Variants in XKR9 observed in about 807,000 individuals in gnomAD.
The protein encoded by XKR9 is XK-related protein 9.
In XKR9, 32 loss-of-function variants were observed where a neutral mutation model predicts 32.0. The observed-to-expected ratio is 1.00, with a 90% CI of 0.76 to 1.34. XKR9 has a LOEUF of 1.34. Ranked by LOEUF, XKR9 falls within the 40% of genes most tolerant of loss-of-function variation. XKR9 has a pLI of 0.00. For missense variants in XKR9, 546 were observed against 429.7 expected (o/e 1.27, Z -2.39); for synonymous variants, 168 against 143.4 (o/e 1.17, Z -1.22).
At chr8:70,801,289 G>A in the XKR9 span, among the ~76,000 whole-genome samples, 1 of 152,030 alleles carries the variant, frequency 6.6e-6, no homozygotes, top group Non-Finnish European at 1.5e-5. Flanking sequence ...ACTTTTTGAT[G>A]TGAGTTTTTA....
At chr8:71,016,327 C>T in the XKR9 span, among the ~76,000 whole-genome samples, 4 of 152,118 alleles carry the variant, frequency 2.6e-5, no homozygotes, top group Non-Finnish European at 5.9e-5. Flanking sequence ...TATGTTTGGC[C>T]TATTCCACCT....
chr8:70,880,247 C>A, the XKR9 span, among the ~76,000 whole-genome samples: 1 of 152,058 alleles, frequency 6.6e-6, no homozygotes, highest in East Asian at 1.9e-4. Flanking sequence ...CACTCCTATT[C>A]AATATAGTGT....
At chr8:70,977,262 T>A in the XKR9 span, among the ~76,000 whole-genome samples, 5 of 152,204 alleles carry the variant, frequency 3.3e-5, no homozygotes, top group African/African-American at 1.2e-4. Context: ...TGATCTTAGT[T>A]ATTTCTTGCC....
the XKR9 span, among the ~76,000 whole-genome samples, chr8:70,928,268 C>T: frequency 1.3e-5 from 2 of 152,102 alleles, no homozygotes; most frequent in East Asian, 1.9e-4. Context: ...TGGCATTGAA[C>T]TCCAGGCCTC....
At chr8:70,863,483 A>G in the XKR9 span, among the ~76,000 whole-genome samples, 1 of 152,172 alleles carries the variant, frequency 6.6e-6, no homozygotes, top group African/African-American at 2.4e-5. Context: ...GTAGGGTGAA[A>G]CTTCAAATTT....
chr8:71,061,449 T>A, the XKR9 span, among the ~76,000 whole-genome samples: 2 of 152,358 alleles, frequency 1.3e-5, no homozygotes, highest in South Asian at 4.1e-4. Context: ...CCATCATCTC[T>A]GTGCTCTCTT....
At chr8:70,940,725 C>T in the XKR9 span, among the ~76,000 whole-genome samples, 1 of 151,998 alleles carries the variant, frequency 6.6e-6, no homozygotes, top group Admixed American at 6.6e-5. Flanking sequence ...TTGAAAATGT[C>T]AGTATTATAT....
the XKR9 span, among the ~76,000 whole-genome samples, chr8:71,034,952 A>G: frequency 0.55 from 83,841 of 152,074 alleles, 24,054 homozygotes; most frequent in East Asian, 0.93. Context: ...TTTGTCACCT[A>G]GCACATAGCA....
At chr8:71,037,583 A>T in the XKR9 span, among the ~76,000 whole-genome samples, 1 of 152,216 alleles carries the variant, frequency 6.6e-6, no homozygotes, top group Non-Finnish European at 1.5e-5. Flanking sequence ...CAAGTTAACA[A>T]TAAAAACTTT....
chr8:70,949,330 G>A, the XKR9 span, among the ~76,000 whole-genome samples: 1 of 151,758 alleles, frequency 6.6e-6, no homozygotes. Flanking sequence ...TAACTGTGTG[G>A]ATGGTGAAAC....
At chr8:70,678,403 T>C (rs1818954121) in intron 2 of XKR9, among the ~76,000 whole-genome samples, 1 of 152,218 alleles carries the variant, frequency 6.6e-6, no homozygotes, top group Non-Finnish European at 1.5e-5. Flanking sequence ...GATCAAATCA[T>C]TGTAGTTGAG....
At chr8:71,021,584 G>A in the XKR9 span, among the ~76,000 whole-genome samples, 1 of 142,648 alleles carries the variant, frequency 7.0e-6, no homozygotes, top group Non-Finnish European at 1.5e-5. Context: ...CTCACTGCAA[G>A]CTCCGCCTCC....
chr8:70,741,500 C>G (rs572999827), intron 2 of XKR9, among the ~76,000 whole-genome samples: 1 of 152,164 alleles, frequency 6.6e-6, no homozygotes, highest in South Asian at 2.1e-4. Flanking sequence ...TTGTATTTGT[C>G]TTTTGTTACT....
the XKR9 span, among the ~76,000 whole-genome samples, chr8:70,927,457 C>A: frequency 3.4e-4 from 52 of 152,256 alleles, no homozygotes; most frequent in African/African-American, 1.2e-3. Context: ...AAACTTATTT[C>A]TCATGATTCT....
chr8:71,023,087 C>T, the XKR9 span, among the ~76,000 whole-genome samples: 1 of 151,822 alleles, frequency 6.6e-6, no homozygotes, highest in Admixed American at 6.6e-5. Flanking sequence ...TTCTTAAATT[C>T]TTTTTCAGGC....
chr8:70,963,677 G>T, the XKR9 span, among the ~76,000 whole-genome samples: 1 of 152,188 alleles, frequency 6.6e-6, no homozygotes, highest in Non-Finnish European at 1.5e-5. Flanking sequence ...GTGTTAGATG[G>T]TATCTCATCG....
At chr8:70,743,351 G>T (rs1461599969) in intron 2 of XKR9, among the ~76,000 whole-genome samples, 1 of 151,854 alleles carries the variant, frequency 6.6e-6, no homozygotes, top group Non-Finnish European at 1.5e-5. Flanking sequence ...TTTAAAATCT[G>T]TCCACTAATT....
At chr8:70,846,011 A>C in the XKR9 span, among the ~76,000 whole-genome samples, 1 of 152,208 alleles carries the variant, frequency 6.6e-6, no homozygotes, top group Non-Finnish European at 1.5e-5. Flanking sequence ...TCAAACTGTC[A>C]AAAGTCAAAG....
chr8:70,822,992 C>T, the XKR9 span, among the ~76,000 whole-genome samples: 1 of 152,144 alleles, frequency 6.6e-6, no homozygotes, highest in Non-Finnish European at 1.5e-5. Context: ...ATAATACATA[C>T]TTTATAAATA....
Sources: gnomAD v4.1 joint callset for allele counts (sites outside exome capture counted in the v4.1 genomes callset) on GRCh38, gnomAD v4.1.1 for gene constraint, MANE v1.5 for transcripts, NCBI Gene and HGNC (gene_info 2026-07-23, HGNC 2026-07-21) for gene names.